Variants in TSC22D2 observed in about 807,000 individuals in gnomAD.
The protein encoded by TSC22D2 is TSC22 domain family protein 2.
A neutral mutation model predicts 50.1 loss-of-function variants in TSC22D2; 5 were observed. The ratio of observed to expected loss-of-function variants is 0.10; its 90% CI spans 0.05 to 0.21. The LOEUF (loss-of-function observed/expected upper bound fraction) is 0.21. Ranked by LOEUF, TSC22D2 falls within the 10% of genes least tolerant of loss-of-function variation. The pLI is 1.00. For synonymous variants in TSC22D2, 501 were observed against 450.1 expected (o/e 1.11, Z -1.43); for missense variants, 1,003 against 1,015.5 (o/e 0.99, Z 0.17).
intron 1 of TSC22D2, among the ~76,000 whole-genome samples, chr3:150,448,578 A>G (rs955712183): frequency 1.3e-5 from 2 of 152,192 alleles, no homozygotes; most frequent in African/African-American, 4.8e-5. Context: ...GAAATAGGAT[A>G]TTAATTAAAC....
intron 1 of TSC22D2, among the ~76,000 whole-genome samples, chr3:150,445,179 G>T (rs1720838941): frequency 3.3e-5 from 5 of 151,824 alleles, no homozygotes. Flanking sequence ...TGTTATTAAT[G>T]TCCAGTCCAC....
chr3:150,410,203 G>A lies in TSC22D2; in HGVS notation c.853G>A (p.Val285Met). The A allele has an allele frequency of 6.3e-7, 1 of 1,599,328 alleles. No individual in the cohort carries two copies. Among genetic ancestry groups the A allele is most frequent in the South Asian group, 1.1e-5 (1 of 90,082 alleles). ...GCCGCCGCCACCCGTAGGTGGGGCT[G>A]TGGCTCAAAGCTCGGCTCCGCTGCC... ...QPPPPPVGGA[V>M]AQSSAPLPPF... Residue 285 changes from valine to methionine, a missense_variant, in exon 1 of 3, where the codon GTG becomes ATG. By Grantham distance (21) the Val-to-Met change is conservative (BLOSUM62 1). Coordinates refer to ENST00000688009, the MANE Select transcript of TSC22D2 (RefSeq NM_001303264.2).
chr3:150,434,762 A>G (rs907084758), intron 1 of TSC22D2, among the ~76,000 whole-genome samples: 2 of 152,168 alleles, frequency 1.3e-5, no homozygotes, highest in Non-Finnish European at 2.9e-5. Context: ...CATTTGCTAT[A>G]ATGCATAACA....
rs1199883484 is a variant in TSC22D2 at position 150,441,568 on chromosome 3, T to C, written c.1959-15508T>C. Reference sequence around the variant, plus strand: ...TGAGCCCAGGAGTTCAAGACCAGCCTGGACAACATAGGGAGACCCCGTCTC... The same window carrying C: ...TGAGCCCAGGAGTTCAAGACCAGCCCGGACAACATAGGGAGACCCCGTCTC... On this transcript the variant is annotated intron_variant, in intron 1 of 2. Transcript: ENST00000688009. Among the ~76,000 whole-genome samples, 59 of 152,096 alleles carry C rather than the reference T, an allele frequency of 3.9e-4. 1 individual carries two copies. Among genetic ancestry groups the C allele is most frequent in the Admixed American group, 3.8e-3 (58 of 15,260 alleles).
chr3:150,438,030 A>G (rs539860964), intron 1 of TSC22D2, among the ~76,000 whole-genome samples: 1 of 152,062 alleles, frequency 6.6e-6, no homozygotes, highest in Non-Finnish European at 1.5e-5. Flanking sequence ...CTGAAAATCC[A>G]TGTTGAAATT....
chr3:150,416,204 T>G (rs1576542219), intron 1 of TSC22D2, among the ~76,000 whole-genome samples: 2 of 152,230 alleles, frequency 1.3e-5, no homozygotes, highest in Admixed American at 1.3e-4. Context: ...GTTCTAATTC[T>G]TTCTTTGAAG....
chr3:150,415,787 C>T (rs978064408), intron 1 of TSC22D2, among the ~76,000 whole-genome samples: 24 of 152,088 alleles, frequency 1.6e-4, no homozygotes, highest in Non-Finnish European at 2.9e-4. Context: ...TGCACTGAAG[C>T]CTGGGCCACA....
In TSC22D2 at chr3:150,459,573, T is replaced by TTG. The variant is rs1721313146; in HGVS notation, c.*938_*939insGT. Reference sequence around the variant, plus strand: ...AATGGAGTTTGGTTTTTTTTTGTTGTTTTTTTTTTTTTGTCTTTTTTTTTT... The same window carrying TTG: ...AATGGAGTTTGGTTTTTTTTTGTTGTTGTTTTTTTTTTTTGTCTTTTTTTTTT... On this transcript the variant is annotated 3_prime_UTR_variant, in exon 3 of 3. Coordinates refer to ENST00000688009, the MANE Select transcript of TSC22D2 (RefSeq NM_001303264.2). 2 of 41,476 alleles carry TTG rather than the reference T, an allele frequency of 4.8e-5. No homozygotes were observed. Among genetic ancestry groups the TTG allele is most frequent in the Admixed American group, 2.0e-4 (1 of 4,958 alleles). The allele number at this position is 41,476 out of a possible 1,614,324, so 2.6% of individuals were successfully genotyped here. A position where few individuals can be genotyped will look rare whatever the true frequency, so the allele number is the denominator to read the frequency against.
chr3:150,442,992 A>G (rs1288389831), intron 1 of TSC22D2, among the ~76,000 whole-genome samples: 2 of 152,206 alleles, frequency 1.3e-5, no homozygotes, highest in Admixed American at 1.3e-4. Flanking sequence ...TCCAGAACCA[A>G]TGCCCTTTTA....
chr3:150,435,750 C>T (rs547398077), intron 1 of TSC22D2, among the ~76,000 whole-genome samples: 1 of 152,214 alleles, frequency 6.6e-6, no homozygotes, highest in East Asian at 1.9e-4. Flanking sequence ...CAAGTAATTA[C>T]TTGGAAATTA....
intron 1 of TSC22D2, among the ~76,000 whole-genome samples, chr3:150,419,388 A>G (rs77219308): frequency 0.028 from 4,278 of 152,198 alleles, 209 homozygotes; most frequent in African/African-American, 0.098. Context: ...GATTTGTTGT[A>G]TTGTAACCCT....
At chr3:150,430,051 A>G (rs1206838165) in intron 1 of TSC22D2, among the ~76,000 whole-genome samples, 7 of 152,228 alleles carry the variant, frequency 4.6e-5, no homozygotes. Context: ...TGGTCTTAAT[A>G]TGGAAAATGG....
chr3:150,446,457 A>G (rs961775803), intron 1 of TSC22D2, among the ~76,000 whole-genome samples: 1 of 152,238 alleles, frequency 6.6e-6, no homozygotes, highest in African/African-American at 2.4e-5. Context: ...TGAAACCAGC[A>G]TGGGCAACAG....
chr3:150,444,866 C>T (rs114766236), intron 1 of TSC22D2, among the ~76,000 whole-genome samples: 4,016 of 152,160 alleles, frequency 0.026, 81 homozygotes, highest in South Asian at 0.069. Context: ...TACTTTATGT[C>T]AGAATCCCTT....
At chr3:150,413,703 C>T (rs1719681150) in intron 1 of TSC22D2, among the ~76,000 whole-genome samples, 1 of 151,192 alleles carries the variant, frequency 6.6e-6, no homozygotes, top group African/African-American at 2.4e-5. Context: ...AGACTACTAT[C>T]TTAACTGAAA....
intron 1 of TSC22D2, among the ~76,000 whole-genome samples, chr3:150,425,596 C>T (rs73007757): frequency 0.024 from 3,722 of 152,176 alleles, 158 homozygotes; most frequent in African/African-American, 0.084. Flanking sequence ...TATTTTGAGG[C>T]ATAAATTTGT....
intron 1 of TSC22D2, among the ~76,000 whole-genome samples, chr3:150,433,975 T>A (rs533737237): frequency 1.3e-5 from 2 of 152,244 alleles, no homozygotes; most frequent in African/African-American, 4.8e-5. Context: ...CTTGGGAGGC[T>A]GAGGCACAAG....
intron 1 of TSC22D2, among the ~76,000 whole-genome samples, chr3:150,436,411 A>C (rs1720546239): frequency 1.3e-5 from 2 of 151,804 alleles, no homozygotes; most frequent in African/African-American, 4.8e-5. Flanking sequence ...GGCCCTTTAA[A>C]TGACCTTAAA....
chr3:150,444,676 C>G (rs11713072), intron 1 of TSC22D2, among the ~76,000 whole-genome samples: 22,863 of 152,130 alleles, frequency 0.15, 1,902 homozygotes, highest in Non-Finnish European at 0.2. Context: ...TTCTGTCATT[C>G]ACCATGTCTA....
Sources: gnomAD v4.1 joint callset for allele counts (sites outside exome capture counted in the v4.1 genomes callset) on GRCh38, gnomAD v4.1.1 for gene constraint, MANE v1.5 for transcripts, NCBI Gene and HGNC (gene_info 2026-07-23, HGNC 2026-07-21) for gene names.